Variants in CSNK1G3 observed in about 807,000 individuals in gnomAD.
The protein encoded by CSNK1G3 is casein kinase 1 gamma 3, also known as casein kinase I isoform gamma-3.
Under a neutral mutation model 64.3 loss-of-function variants are expected in CSNK1G3, and 23 were observed. The observed-to-expected ratio is 0.36, with a 90% CI of 0.26 to 0.51. The LOEUF is 0.51. Among genes scored for constraint, CSNK1G3 ranks in the 20% least tolerant of loss-of-function variants. The pLI, the probability that CSNK1G3 is intolerant of heterozygous loss-of-function variation, is 0.96. For synonymous variants in CSNK1G3, 158 were observed against 162.2 expected (o/e 0.97, Z 0.20); for missense variants, 357 against 510.5 (o/e 0.70, Z 2.90).
At chr5:123,565,408 C>A (rs1786667339) in intron 4 of CSNK1G3, among the ~76,000 whole-genome samples, 1 of 151,964 alleles carries the variant, frequency 6.6e-6, no homozygotes, top group Non-Finnish European at 1.5e-5. Flanking sequence ...GTTAAGAATG[C>A]CTTAATGCAA....
chr5:123,569,259 C>G (rs1257619165), intron 4 of CSNK1G3, among the ~76,000 whole-genome samples: 1 of 152,140 alleles, frequency 6.6e-6, no homozygotes, highest in African/African-American at 2.4e-5. Context: ...AAATGTGCTG[C>G]TTTCTATTCT....
At chr5:123,595,094 G>A in intron 10 of CSNK1G3, 1 of 1,613,718 alleles carries the variant, frequency 6.2e-7, no homozygotes, top group Non-Finnish European at 8.5e-7. Flanking sequence ...CACCATTTGA[G>A]AGCTCACCTT....
chr5:123,532,802 G>T (rs1420087374), intron 1 of CSNK1G3, among the ~76,000 whole-genome samples: 2 of 151,742 alleles, frequency 1.3e-5, no homozygotes, highest in Non-Finnish European at 3.0e-5. Context: ...GAATTAATAG[G>T]TCTATTAAAT....
chr5:123,544,714 GT>G (rs1198397661), intron 1 of CSNK1G3, among the ~76,000 whole-genome samples: 2 of 152,078 alleles, frequency 1.3e-5, no homozygotes. Flanking sequence ...GAGCTTTAAT[GT>G]TTTTATCTGC....
intron 10 of CSNK1G3, among the ~76,000 whole-genome samples, chr5:123,595,558 G>A (rs1246604443): frequency 6.6e-6 from 1 of 151,756 alleles, no homozygotes; most frequent in Non-Finnish European, 1.5e-5. Flanking sequence ...TTCATCCTTA[G>A]TACTCAGAAT....
At chr5:123,592,031 A>G (rs1792465339) in intron 10 of CSNK1G3, among the ~76,000 whole-genome samples, 1 of 152,146 alleles carries the variant, frequency 6.6e-6, no homozygotes, top group Non-Finnish European at 1.5e-5. Context: ...TACTGTTATT[A>G]TTATTACAAT....
chr5:123,560,703 G>A (rs1785528264), intron 4 of CSNK1G3, among the ~76,000 whole-genome samples: 1 of 152,110 alleles, frequency 6.6e-6, no homozygotes, highest in Admixed American at 6.6e-5. Context: ...ATTCTGCAAA[G>A]TGAAATAAGG....
chr5:123,514,189 ATGT>A (rs1776736958), intron 1 of CSNK1G3, among the ~76,000 whole-genome samples: 1 of 152,240 alleles, frequency 6.6e-6, no homozygotes, highest in African/African-American at 2.4e-5. Context: ...GTTAATTTTA[ATGT>A]TGTTATGAAT....
rs146547933 is a variant in CSNK1G3, at chr5:123,574,998, T to C, written c.439-731T>C. ...AACTAGAATGGCCTGTGTAGCCATA[T>C]GTTTACATTGCATTGTTAACCATGA... On this transcript the variant is annotated intron_variant, in intron 5 of 12. Transcript: ENST00000345990. 5.2e-3 allele frequency among the ~76,000 whole-genome samples: 785 copies of C among 152,336 alleles called. 7 individuals carry two copies. The highest frequency in any genetic ancestry group is 0.018 in the African/African-American group (741 of 41,584).
At chr5:123,585,012 TGTTTTCATTG>T (rs1478077055) in intron 6 of CSNK1G3, among the ~76,000 whole-genome samples, 50 of 152,318 alleles carry the variant, frequency 3.3e-4, no homozygotes, top group African/African-American at 1.1e-3. Flanking sequence ...ATCCAGCTTT[TGTTTTCATTG>T]GTTTTCATTA....
chr5:123,570,416 C>T (rs895073045), intron 4 of CSNK1G3, among the ~76,000 whole-genome samples: 22 of 148,232 alleles, frequency 1.5e-4, no homozygotes, highest in African/African-American at 4.5e-4. Flanking sequence ...TGCAGTGGCG[C>T]GATCTTGGCT....
At chr5:123,595,088 A>T in intron 10 of CSNK1G3, 1 of 1,613,704 alleles carries the variant, frequency 6.2e-7, no homozygotes, top group East Asian at 2.2e-5. Flanking sequence ...AATCCCCACC[A>T]TTTGAGAGCT....
At chr5:123,539,402 T>C (rs1428447720) in intron 1 of CSNK1G3, among the ~76,000 whole-genome samples, 1 of 149,750 alleles carries the variant, frequency 6.7e-6, no homozygotes, top group Non-Finnish European at 1.5e-5. Context: ...GCTGTGATTG[T>C]GTTAATGCAC....
At chr5:123,532,757 T>C (rs1192406454) in intron 1 of CSNK1G3, among the ~76,000 whole-genome samples, 4 of 151,962 alleles carry the variant, frequency 2.6e-5, no homozygotes, top group African/African-American at 9.7e-5. Context: ...TTTTTAGTTA[T>C]CTTTAGGATG....
chr5:123,567,717 T>A (rs1787207539), intron 4 of CSNK1G3, among the ~76,000 whole-genome samples: 1 of 152,212 alleles, frequency 6.6e-6, no homozygotes, highest in Non-Finnish European at 1.5e-5. Flanking sequence ...TCGCCAAAGA[T>A]AGTCAAAGGC....
chr5:123,603,074 G>T (rs868727772), intron 10 of CSNK1G3, among the ~76,000 whole-genome samples: 3 of 152,068 alleles, frequency 2.0e-5, no homozygotes, highest in African/African-American at 7.2e-5. Context: ...AGAATGATCA[G>T]CTAGCGCCAA....
chr5:123,586,429 A>G (rs1341048813), intron 6 of CSNK1G3, among the ~76,000 whole-genome samples: 1 of 152,204 alleles, frequency 6.6e-6, no homozygotes, highest in Non-Finnish European at 1.5e-5. Flanking sequence ...AGTTATAACT[A>G]GTTTTTTTCA....
intron 11 of CSNK1G3, 121 bp from the exon 13 acceptor site, chr5:123,605,218 A>G: frequency 1.2e-6 from 1 of 827,498 alleles, no homozygotes; most frequent in East Asian, 2.7e-5. Flanking sequence ...CATAAATTAT[A>G]ACAACATTGC....
intron 2 of CSNK1G3, among the ~76,000 whole-genome samples, chr5:123,549,301 AT>A (rs1375323048): frequency 6.6e-6 from 1 of 152,076 alleles, no homozygotes; most frequent in African/African-American, 2.4e-5. Context: ...ATGTATTTTT[AT>A]TTTTCTGTAT....
Sources: gnomAD v4.1 joint callset for allele counts (sites outside exome capture counted in the v4.1 genomes callset) on GRCh38, gnomAD v4.1.1 for gene constraint, MANE v1.5 for transcripts, NCBI Gene and HGNC (gene_info 2026-07-23, HGNC 2026-07-21) for gene names.